PGAP2: variants seen among roughly 807,000 people sequenced by gnomAD.
PGAP2 encodes the protein post-GPI attachment to proteins 2.
Under a neutral mutation model 33.2 loss-of-function variants are expected in PGAP2, and 21 were observed. The ratio of observed to expected loss-of-function variants is 0.63; its 90% CI spans 0.45 to 0.91. PGAP2 has a LOEUF of 0.91. Ranked by LOEUF, PGAP2 falls within the 40% of genes least tolerant of loss-of-function variation. The pLI is 0.00. For synonymous variants in PGAP2, 161 were observed against 172.9 expected, an observed-to-expected ratio of 0.93 and a Z score of 0.54; for missense variants, 345 against 424.0, an observed-to-expected ratio of 0.81 and a Z score of 1.64.
rs756014167 is a variant in PGAP2, at chr11:3,823,598, A to G, written c.349-285A>G. ...GTAGAGCATCTGAACCCATCTACAC[A>G]TTGACCAAACACAGGCAGGTTCCAG... is the stretch of plus-strand genomic sequence containing the variant. On this transcript the variant is annotated intron_variant, in intron 3 of 6. Coordinates refer to ENST00000278243, the MANE Select transcript of PGAP2 (RefSeq NM_014489.4). The G allele has an allele frequency of 4.6e-6, 7 of 1,535,886 alleles. No individual in the cohort carries two copies. The South Asian group carries it at 5.9e-5, about 13-fold the overall frequency.
chr11:3,824,318 A>C lies in PGAP2; in HGVS notation c.650A>C (p.His217Pro). ...FIVFIASSLG[H>P]MLLTCILWRL... ...GTGTTCATTGCCTCATCCCTCGGGCACATGCTCCTCACCTGCATTCTCTGG... is the reference window on the plus strand; with the variant it reads ...GTGTTCATTGCCTCATCCCTCGGGCCCATGCTCCTCACCTGCATTCTCTGG... Residue 217 changes from histidine (H) to proline (P), a missense_variant, in exon 5 of 7, where the codon CAC becomes CCC. Transcript: ENST00000278243. The C allele has an allele frequency of 6.2e-7, 1 of 1,614,228 alleles. No homozygotes were observed. The highest frequency in any genetic ancestry group is 8.5e-7 in the Non-Finnish European group (1 of 1,180,046).
chr11:3,805,765 C>A (rs1219999541), upstream of PGAP2, among the ~76,000 whole-genome samples: 1 of 151,714 alleles, frequency 6.6e-6, no homozygotes, highest in Non-Finnish European at 1.5e-5. Flanking sequence ...CGGCTCACTG[C>A]AACCTCTGCC....
In PGAP2 at chr11:3,825,725, A is replaced by AC. The variant is rs995790981; in HGVS notation, c.*267_*268insC. On this transcript the variant is annotated 3_prime_UTR_variant, in exon 7 of 7. Coordinates refer to ENST00000278243, the MANE Select transcript of PGAP2 (RefSeq NM_014489.4). ...CAGAGAGCTCCACCATTTGGTGCTA[A>AC]AAAAAAAAACGTCCTGAGGTTCATG... 4.8e-4 allele frequency: 142 copies of AC among 297,268 alleles called. No individual in the cohort carries two copies. Among genetic ancestry groups the AC allele is most frequent in the Non-Finnish European group, 8.1e-4 (128 of 157,546 alleles). The allele number at this position is 297,268 out of a possible 1,614,324, so 18.4% of individuals were successfully genotyped here.
In PGAP2 at chr11:3,820,476, C is replaced by T. The variant is rs764674378; in HGVS notation, c.348+2941C>T. Among the ~76,000 whole-genome samples the T allele has an allele frequency of 4.3e-4, 65 of 152,170 alleles. 1 individual carries two copies. The highest frequency in any genetic ancestry group is 7.6e-4 in the Non-Finnish European group (52 of 68,038). On this transcript the variant is annotated intron_variant, in intron 3 of 6. Coordinates refer to ENST00000278243, the MANE Select transcript of PGAP2 (RefSeq NM_014489.4). ...TTAAGGTCAGGAGTTCAAGACCAGC[C>T]TGGCCAACATGGTGAAACCCCATCT...
At position 3,808,607 on chromosome 11, in the gene PGAP2, C is replaced by T. The variant is rs1221900225; in HGVS notation, c.-55C>T. On this transcript the variant is annotated 5_prime_UTR_variant, in exon 1 of 7. Coordinates refer to ENST00000278243, the MANE Select transcript of PGAP2 (RefSeq NM_014489.4). The stretch of plus-strand genomic sequence containing the variant: ...AGAGCCAGCCCCCGACCCCGGGCCA[C>T]CTGGGCCCCCGGGTTCCGCCGGCAC... 3 of 1,330,594 alleles carry T rather than the reference C, an allele frequency of 2.3e-6. No individual in the cohort carries two copies. The highest frequency in any genetic ancestry group is 2.9e-6 in the Non-Finnish European group (3 of 1,040,032). 82.4% of individuals were successfully genotyped at this position (1,330,594 alleles called of 1,614,324 possible).
At chr11:3,824,230 C>T (rs1386119499) in intron 4 of PGAP2, 40 bp from the exon 5 acceptor site, 3 of 1,612,794 alleles carry the variant, frequency 1.9e-6, no homozygotes, top group African/African-American at 2.7e-5. Flanking sequence ...GTGGTGTGGG[C>T]ACTCCCTGCA....
At chr11:3,808,257 C>T (rs770356449), upstream of PGAP2, 9 of 1,550,684 alleles carry the variant, frequency 5.8e-6, no homozygotes, top group South Asian at 2.4e-5. Flanking sequence ...GAAAGAAATC[C>T]GGCCCCTGTT....
intron 2 of PGAP2, among the ~76,000 whole-genome samples, chr11:3,814,638 C>T (rs1002560442): frequency 1.3e-5 from 2 of 151,022 alleles, no homozygotes; most frequent in African/African-American, 4.9e-5. Context: ...GTCTTCAACT[C>T]CTGAGCTCAA....
Position 3,811,237 on chromosome 11 carries a change from A to G in PGAP2, c.-10-13A>G. 1 of 1,605,446 alleles carries G rather than the reference A, an allele frequency of 6.2e-7. No homozygotes were observed. The highest frequency in any genetic ancestry group is 1.1e-5 in the South Asian group (1 of 89,944). On this transcript the variant is annotated splice_polypyrimidine_tract_variant and intron_variant, in intron 1 of 6. Coordinates refer to ENST00000278243, the MANE Select transcript of PGAP2 (RefSeq NM_014489.4). The surrounding 1 kb of genome is among the most constrained non-coding windows in gnomAD (Gnocchi z 4.6). Reference sequence around the variant, plus strand: ...CTGCCTGGGGCCCTGACAGCATGCCACTCCATCCCCAGGTCTGACAAGATG... The same window carrying G: ...CTGCCTGGGGCCCTGACAGCATGCCGCTCCATCCCCAGGTCTGACAAGATG...
chr11:3,818,062 T>TAAAA (rs112928434), intron 3 of PGAP2: 646 of 211,714 alleles, frequency 3.1e-3, no homozygotes, highest in South Asian at 5.0e-3. Flanking sequence ...CAAAACAAAA[T>TAAAA]AAAAAAAAAA....
At chr11:3,798,155 C>G in intron 1 of PGAP2, 4 of 1,417,424 alleles carry the variant, frequency 2.8e-6, no homozygotes, top group Non-Finnish European at 2.8e-6. Flanking sequence ...AAATCCTGAC[C>G]CTATTCTCTC....
intron 2 of PGAP2, among the ~76,000 whole-genome samples, chr11:3,814,748 T>TTTCCTTCTTTTCTTTCTTTC (rs1565011131): frequency 3.5e-5 from 4 of 112,746 alleles, no homozygotes; most frequent in African/African-American, 9.8e-5. Flanking sequence ...TCTTTCCTTC[T>TTTCCTTCTTTTCTTTCTTTC]TTTCTTTCTT....
At position 3,825,359 on chromosome 11, in the gene PGAP2, T is replaced by C. The variant is rs1400120356; in HGVS notation, c.849T>C (p.Thr283=). The C allele has an allele frequency of 6.2e-7, 1 of 1,613,902 alleles. No individual in the cohort carries two copies. The highest frequency in any genetic ancestry group is 1.3e-5 in the African/African-American group (1 of 74,922). The change falls in exon 7 of 7, where the codon ACT becomes ACC. Residue 283 remains threonine (T), a synonymous_variant. Transcript: ENST00000278243. ...VYTIFAILEY[T]VVLTNMAFHM... is the part of the protein sequence containing the mutation. ...CCATCTTTGCCATCCTGGAGTACAC[T>C]GTTGTCTTAACCAACATGGCGTTCC... is the stretch of plus-strand genomic sequence containing the variant.
intron 1 of PGAP2, among the ~76,000 whole-genome samples, chr11:3,810,950 A>C (rs1214242563): frequency 6.6e-6 from 1 of 152,222 alleles, no homozygotes; most frequent in Non-Finnish European, 1.5e-5. Flanking sequence ...CTCTAGTCCT[A>C]GGCCTGTCAA....
At chr11:3,802,289 G>A (rs1037383) in intron 1 of PGAP2, among the ~76,000 whole-genome samples, 97,514 of 151,558 alleles carry the variant, frequency 0.64, 32,887 homozygotes, top group East Asian at 0.81. Context: ...GGGTACTTTG[G>A]TAGGCAAGTA....
At chr11:3,824,479 T>TG (rs1565063059) in intron 5 of PGAP2, 103 bp downstream of exon 5, 1 of 1,568,872 alleles carries the variant, frequency 6.4e-7, no homozygotes, top group Admixed American at 1.8e-5. Context: ...TGAGTTCTAA[T>TG]GGGAACCCTG....
In PGAP2 at chr11:3,811,190, T is replaced by G. The variant is rs2134359083; in HGVS notation, c.-10-60T>G. The G allele has an allele frequency of 2.0e-6, 3 of 1,510,646 alleles. No homozygotes were observed. The highest frequency in any genetic ancestry group is 2.7e-6 in the Non-Finnish European group (3 of 1,105,828). The allele number at this position is 1,510,646 out of a possible 1,614,324, so 93.6% of individuals were successfully genotyped here. On this transcript the variant is annotated intron_variant, in intron 1 of 6. Transcript: ENST00000278243. The surrounding 1 kb of genome is among the most constrained non-coding windows in gnomAD (Gnocchi z 4.6). ...TTAGGACTGAGCACAAGGGCTGACT[T>G]TATCACTGAGTGCCAGCCTGGCTGC...
At position 3,825,723 on chromosome 11, in the gene PGAP2, T is replaced by TAAA. The variant is rs35179044; in HGVS notation, c.*274_*276dup. 43 of 208,126 alleles carry TAAA rather than the reference T, an allele frequency of 2.1e-4. No individual in the cohort carries two copies. Among genetic ancestry groups the TAAA allele is most frequent in the South Asian group, 3.7e-4 (5 of 13,616 alleles). 12.9% of individuals were successfully genotyped at this position (208,126 alleles called of 1,614,324 possible). A position where few individuals can be genotyped will look rare whatever the true frequency, so the allele number is the denominator to read the frequency against. The stretch of plus-strand genomic sequence containing the variant: ...GGCAGAGAGCTCCACCATTTGGTGC[T>TAAA]AAAAAAAAAAACGTCCTGAGGTTCA... On this transcript the variant is annotated 3_prime_UTR_variant, in exon 7 of 7. Transcript: ENST00000278243.
chr11:3,818,939 C>T (rs188514567), intron 3 of PGAP2, among the ~76,000 whole-genome samples: 29 of 152,278 alleles, frequency 1.9e-4, no homozygotes, highest in Admixed American at 1.8e-3. Context: ...GTAAAGAAGG[C>T]TCTTTGTGAA....
Sources: allele counts gnomAD v4.1 joint callset (sites outside exome capture counted in the v4.1 genomes callset), GRCh38; gene constraint gnomAD v4.1.1; non-coding constraint Gnocchi (gnomAD v3.1); transcripts MANE v1.5; gene names NCBI Gene and HGNC (gene_info 2026-07-23, HGNC 2026-07-21).